EPC2: variants seen among roughly 807,000 people sequenced by gnomAD.
EPC2 encodes enhancer of polycomb homolog 2.
EPC2 carries 14 observed loss-of-function variants against 92.1 expected under a neutral mutation model. The ratio of observed to expected loss-of-function variants is 0.15; its 90% CI spans 0.10 to 0.24. The LOEUF (loss-of-function observed/expected upper bound fraction) is 0.24, where lower values mean the gene tolerates loss of function less well. Ranked by LOEUF, EPC2 falls within the 10% of genes least tolerant of loss-of-function variation. The probability of loss-of-function intolerance (pLI) is 1.00; values close to 1 mark genes in which losing one functional copy is unlikely to be tolerated. For synonymous variants in EPC2, 340 were observed against 334.7 expected (o/e 1.02, Z -0.17); for missense variants, 755 against 971.5 (o/e 0.78, Z 2.96).
At chr2:148,746,321 G>A (rs1311303482) in intron 3 of EPC2, among the ~76,000 whole-genome samples, 1 of 151,798 alleles carries the variant, frequency 6.6e-6, no homozygotes, top group Non-Finnish European at 1.5e-5. Flanking sequence ...TATCCTTTTG[G>A]GAACTGAACT....
intron 3 of EPC2, among the ~76,000 whole-genome samples, chr2:148,750,168 A>G (rs1683060492): frequency 6.6e-6 from 1 of 152,018 alleles, no homozygotes. Context: ...GTGGGTTGAC[A>G]CTGTTGAGAA....
intron 13 of EPC2, among the ~76,000 whole-genome samples, chr2:148,785,610 A>G (rs1221009947): frequency 1.3e-5 from 2 of 152,174 alleles, no homozygotes; most frequent in East Asian, 3.9e-4. Flanking sequence ...ACAAGTGTGA[A>G]GTTCCTCTTG....
chr2:148,775,080 C>T (rs1252294266), intron 10 of EPC2, among the ~76,000 whole-genome samples: 1 of 106,018 alleles, frequency 9.4e-6, no homozygotes, highest in African/African-American at 3.6e-5. Flanking sequence ...CAGAGCGAGA[C>T]TCCCTCTCAA....
intron 3 of EPC2, among the ~76,000 whole-genome samples, chr2:148,744,989 G>GCCGC (rs770406917): frequency 2.2e-5 from 1 of 46,358 alleles, no homozygotes; most frequent in Non-Finnish European, 4.9e-5. Context: ...CTATCAGTTT[G>GCCGC]CCCCCCCCCC....
chr2:148,775,606 A>G (rs28472758), intron 10 of EPC2, among the ~76,000 whole-genome samples: 3,031 of 128,218 alleles, frequency 0.024, 113 homozygotes, highest in African/African-American at 0.092. Context: ...TAAATATTTA[A>G]ATATTTAATT....
chr2:148,740,228 C>CTT (rs923664493), intron 2 of EPC2, among the ~76,000 whole-genome samples: 5 of 140,544 alleles, frequency 3.6e-5, no homozygotes, highest in Admixed American at 7.1e-5. Flanking sequence ...AGTATGTCCT[C>CTT]TTTTTTTTTT....
intron 1 of EPC2, among the ~76,000 whole-genome samples, chr2:148,685,366 A>G (rs928679408): frequency 6.6e-6 from 1 of 152,116 alleles, no homozygotes; most frequent in Non-Finnish European, 1.5e-5. Flanking sequence ...GCATGTTTAG[A>G]TATATACAGA....
In EPC2 at chr2:148,764,827, C is replaced by T. The variant is rs551910546; in HGVS notation, c.949-128C>T. The T allele has an allele frequency of 6.8e-5, 40 of 586,388 alleles. No homozygotes were observed. In the South Asian group the frequency reaches 2.3e-3, roughly 34 times the overall value. 36.3% of individuals were successfully genotyped at this position (586,388 alleles called of 1,614,324 possible). A position where few individuals can be genotyped will look rare whatever the true frequency, so the allele number is the denominator to read the frequency against. ...ATTTATGAACACAGAATAATTTTTG[C>T]GTATTAAAAACAATAAAATCACCTC... On this transcript the variant is annotated intron_variant, in intron 6 of 13. Coordinates refer to ENST00000258484, the MANE Select transcript of EPC2 (RefSeq NM_015630.4).
intron 1 of EPC2, among the ~76,000 whole-genome samples, chr2:148,676,364 C>T (rs562898721): frequency 1.3e-5 from 2 of 148,876 alleles, no homozygotes; most frequent in South Asian, 4.4e-4. Flanking sequence ...TGTCAAAGTA[C>T]CTATAAGAAG....
chr2:148,752,248 C>T (rs1355833230), intron 3 of EPC2, among the ~76,000 whole-genome samples: 1 of 151,930 alleles, frequency 6.6e-6, no homozygotes, highest in Non-Finnish European at 1.5e-5. Context: ...GTGAAATGAT[C>T]AAGAAGCTGA....
At chr2:148,786,102 T>TA (rs1449408248) in intron 13 of EPC2, among the ~76,000 whole-genome samples, 3 of 152,114 alleles carry the variant, frequency 2.0e-5, no homozygotes, top group Admixed American at 1.3e-4. Flanking sequence ...ATAGCCATAA[T>TA]AAAAAAATTA....
chr2:148,674,849 TAC>T (rs1236296251), intron 1 of EPC2, among the ~76,000 whole-genome samples: 5 of 152,228 alleles, frequency 3.3e-5, no homozygotes, highest in African/African-American at 1.2e-4. Context: ...CTGTATATTG[TAC>T]AGTCAGTATG....
chr2:148,765,795 T>C (rs1003981833), intron 7 of EPC2, among the ~76,000 whole-genome samples: 2 of 152,264 alleles, frequency 1.3e-5, no homozygotes, highest in African/African-American at 2.4e-5. Flanking sequence ...CCCAGCACTT[T>C]GGGAGGCCGA....
chr2:148,682,112 A>G (rs13009764), intron 1 of EPC2, among the ~76,000 whole-genome samples: 29,776 of 152,160 alleles, frequency 0.2, 3,724 homozygotes, highest in East Asian at 0.48. Context: ...TTCTTAATCC[A>G]GTCTGTCATT....
chr2:148,759,417 G>A (rs955716362), intron 4 of EPC2, among the ~76,000 whole-genome samples: 1 of 152,204 alleles, frequency 6.6e-6, no homozygotes, highest in Non-Finnish European at 1.5e-5. Flanking sequence ...TATAATAAAA[G>A]TTATTATCTT....
intron 3 of EPC2, among the ~76,000 whole-genome samples, chr2:148,744,668 A>G (rs1194330515): frequency 1.3e-5 from 2 of 152,082 alleles, no homozygotes. Context: ...TATGTTCTTT[A>G]TCCTATTTTT....
chr2:148,732,459 C>T (rs926407702), intron 2 of EPC2, among the ~76,000 whole-genome samples: 1 of 150,072 alleles, frequency 6.7e-6, no homozygotes, highest in Non-Finnish European at 1.5e-5. Context: ...CGGCTCACTG[C>T]AGCCTCCGCC....
At chr2:148,694,947 A>G (rs1476881832) in intron 2 of EPC2, among the ~76,000 whole-genome samples, 15 of 152,074 alleles carry the variant, frequency 9.9e-5, no homozygotes, top group Non-Finnish European at 1.9e-4. Flanking sequence ...TAATTTTTGT[A>G]TTTTTAGTAG....
At chr2:148,653,206 G>A (rs1260948614) in intron 1 of EPC2, among the ~76,000 whole-genome samples, 8 of 152,198 alleles carry the variant, frequency 5.3e-5, no homozygotes, top group Admixed American at 5.2e-4. Context: ...TGTAATACAG[G>A]CACTTAGCAT....
Sources: gnomAD v4.1 joint callset for allele counts (sites outside exome capture counted in the v4.1 genomes callset) on GRCh38, gnomAD v4.1.1 for gene constraint, MANE v1.5 for transcripts, NCBI Gene and HGNC (gene_info 2026-07-23, HGNC 2026-07-21) for gene names.